Variants in BICDL2 observed in about 807,000 individuals in gnomAD.
The protein encoded by BICDL2 is BICD family-like cargo adapter 2.
Under a neutral mutation model 56.6 loss-of-function variants are expected in BICDL2, and 62 were observed. The observed-to-expected ratio is 1.10, with a 90% CI of 0.89 to 1.35. The LOEUF is 1.35. Ranked by LOEUF, BICDL2 falls within the 40% of genes most tolerant of loss-of-function variation. The probability of loss-of-function intolerance (pLI) is 0.00; values close to 1 mark genes in which losing one functional copy is unlikely to be tolerated. For synonymous variants in BICDL2, 358 were observed against 319.8 expected (o/e 1.12, Z -1.27); for missense variants, 808 against 684.5 (o/e 1.18, Z -2.01).
In BICDL2 at chr16:3,028,834, T is replaced by G; in HGVS notation, c.1108-4A>C. The G allele has an allele frequency of 6.5e-7, 1 of 1,544,772 alleles. No homozygotes were observed. On this transcript the variant is annotated splice_polypyrimidine_tract_variant and splice_region_variant and intron_variant, in intron 7 of 9. Coordinates refer to ENST00000572449, the MANE Select transcript of BICDL2 (RefSeq NM_001369667.1). ...GCTCTGCCTGCTGCAGCGAGATCTG[T>G]GAGCAGAGGAGGGGGGCCGTGCGGC...
chr16:3,029,846 C>G (rs1442560386), intron 5 of BICDL2, 107 bp from the exon 6 acceptor site: 1 of 975,584 alleles, frequency 1.0e-6, no homozygotes, highest in Non-Finnish European at 1.4e-6. Context: ...CCCCGCACCC[C>G]AGCGGCCCAG....
Position 3,029,544 on chromosome 16 carries a change from C to G in BICDL2, c.957+1G>C, listed in dbSNP as rs993542570. On this transcript the variant is annotated splice_donor_variant, in intron 6 of 9. Transcript: ENST00000572449. LOFTEE classifies it high-confidence loss of function. ...AGGGGGCTGGGGCCCCACGAGCTCA[C>G]CGGGGTGTCTCCGGGTGCGTCGGCG... The G allele has an allele frequency of 1.3e-6, 2 of 1,553,350 alleles. No individual in the cohort carries two copies. The highest frequency in any genetic ancestry group is 8.7e-7 in the Non-Finnish European group (1 of 1,154,570).
At chr16:3,035,145 CT>C in intron 2 of BICDL2, 69 bp downstream of exon 2, 1 of 1,255,628 alleles carries the variant, frequency 8.0e-7, no homozygotes, top group Non-Finnish European at 1.1e-6. Flanking sequence ...ACTCCCTTCC[CT>C]TGTCCTCTCC....
chr16:3,028,740 G>T lies in BICDL2; in HGVS notation c.1198C>A (p.Leu400Met). 6.4e-7 allele frequency: 1 copy of T among 1,565,632 alleles called. No homozygotes were observed. The change falls in exon 8 of 10, where the codon CTG (leucine) becomes ATG (methionine). Residue 400 changes from leucine (L) to methionine (M), a missense_variant. Coordinates refer to ENST00000572449, the MANE Select transcript of BICDL2 (RefSeq NM_001369667.1). ...LRAQEDPGEALHSALSDRDEA... is the reference protein window; with the variant it reads ...LRAQEDPGEAMHSALSDRDEA... ...TCCCGGTCTGAGAGGGCACTGTGCA[G>T]GGCCTCCCCAGGGTCTTCCTGCGCC...
intron 5 of BICDL2, 172 bp from the exon 6 acceptor site, chr16:3,029,911 G>C (rs1955628222): frequency 3.5e-6 from 2 of 578,310 alleles, no homozygotes; most frequent in African/African-American, 4.0e-5. Context: ...TCCCTCAGCG[G>C]ATATATACAG....
Position 3,027,696 on chromosome 16 carries a change from T to A in BICDL2, c.*410A>T. The A allele has an allele frequency of 6.5e-7, 1 of 1,548,378 alleles. No homozygotes were observed. Among genetic ancestry groups the A allele is most frequent in the Non-Finnish European group, 8.7e-7 (1 of 1,154,154 alleles). ...CCCCAGCCAGCTCAGGGTTTTAGAGTGTTTTTCATTTTCTTTTTTTTTTTT... is the reference window on the plus strand; with the variant it reads ...CCCCAGCCAGCTCAGGGTTTTAGAGAGTTTTTCATTTTCTTTTTTTTTTTT... On this transcript the variant is annotated 3_prime_UTR_variant, in exon 10 of 10. Coordinates refer to ENST00000572449, the MANE Select transcript of BICDL2 (RefSeq NM_001369667.1).
chr16:3,028,196 C>G lies in BICDL2; in HGVS notation c.1437G>C (p.Ser479=). ...QKELSASASS[S]TPRRAAPRFS... is the part of the protein sequence containing the mutation. ...AGCGGGGCGCGGCACGGCGCGGGGT[C>G]GACGACGACGCGGAGGCGCTCAGCT... Residue 479 remains serine (S), a synonymous_variant, in exon 10 of 10, where the codon TCG becomes TCC. Transcript: ENST00000572449. 6.8e-7 allele frequency: 1 copy of G among 1,461,708 alleles called. No individual in the cohort carries two copies. The highest frequency in any genetic ancestry group is 8.9e-7 in the Non-Finnish European group (1 of 1,117,594). 90.5% of individuals were successfully genotyped at this position (1,461,708 alleles called of 1,614,324 possible). A position where few individuals can be genotyped will look rare whatever the true frequency, so the allele number is the denominator to read the frequency against.
chr16:3,028,865 G>A, intron 7 of BICDL2, 35 bp from the exon 8 acceptor site: 2 of 1,518,578 alleles, frequency 1.3e-6, no homozygotes, highest in Non-Finnish European at 1.8e-6. Flanking sequence ...GCGGCAGATG[G>A]GCCAATGGGC....
At chr16:3,035,070 A>T in intron 2 of BICDL2, 145 bp downstream of exon 2, 4 of 789,290 alleles carry the variant, frequency 5.1e-6, no homozygotes, top group Non-Finnish European at 7.9e-6. Flanking sequence ...CCCAGCTCTG[A>T]CCTGTTCCAA....
chr16:3,031,134 T>C lies in BICDL2; in HGVS notation c.299A>G (p.Asn100Ser). 2 of 1,535,190 alleles carry C rather than the reference T, an allele frequency of 1.3e-6. No individual in the cohort carries two copies. The highest frequency in any genetic ancestry group is 1.2e-5 in the South Asian group (1 of 83,934). ...TGCCAGGCCTCGCCGGAGCTCATGG[T>C]TCTCCTGCTGGAGCCGCTGTGGGGG... ...LEREERLQQE[N>S]HELRRGLAAR... Residue 100 changes from asparagine (N) to serine (S), a missense_variant, in exon 3 of 10, where the codon AAC becomes AGC. Transcript: ENST00000572449.
At position 3,029,536 on chromosome 16, in the gene BICDL2, C is replaced by A; in HGVS notation, c.957+9G>T. On this transcript the variant is annotated intron_variant, in intron 6 of 9. Coordinates refer to ENST00000572449, the MANE Select transcript of BICDL2 (RefSeq NM_001369667.1). ...CACAGGTAAGGGGGCTGGGGCCCCACGAGCTCACCGGGGTGTCTCCGGGTG... is the reference window on the plus strand; with the variant it reads ...CACAGGTAAGGGGGCTGGGGCCCCAAGAGCTCACCGGGGTGTCTCCGGGTG... 2 of 1,553,604 alleles carry A rather than the reference C, an allele frequency of 1.3e-6. No individual in the cohort carries two copies. The highest frequency in any genetic ancestry group is 8.7e-7 in the Non-Finnish European group (1 of 1,155,342).
At chr16:3,029,793 G>A (rs1439776639) in intron 5 of BICDL2, 54 bp from the exon 6 acceptor site, 16 of 1,405,830 alleles carry the variant, frequency 1.1e-5, no homozygotes, top group African/African-American at 3.1e-5. Flanking sequence ...CGCACGCAAC[G>A]CCGACATCCC....
chr16:3,028,467 C>A lies in BICDL2; in HGVS notation c.1240G>T (p.Ala414Ser). Reference protein sequence around the residue: ...LSDRDEAVNKALELSLQLNRV... With the variant: ...LSDRDEAVNKSLELSLQLNRV... Reference sequence around the variant, plus strand: ...TTGAGCTGCAGGGACAGCTCCAGGGCCCTAGGCGGGCAGGAGCAGAAGACG... The same window carrying A: ...TTGAGCTGCAGGGACAGCTCCAGGGACCTAGGCGGGCAGGAGCAGAAGACG... Residue 414 changes from alanine (A) to serine (S), a missense_variant and splice_region_variant, in exon 9 of 10, where the codon GCC becomes TCC. By Grantham distance (99) the Ala-to-Ser change is moderately conservative. Coordinates refer to ENST00000572449, the MANE Select transcript of BICDL2 (RefSeq NM_001369667.1). 6.4e-7 allele frequency: 1 copy of A among 1,571,808 alleles called. No homozygotes were observed. Among genetic ancestry groups the A allele is most frequent in the Non-Finnish European group, 8.6e-7 (1 of 1,167,746 alleles).
chr16:3,035,706 C>T, intron 1 of BICDL2, 180 bp from the exon 2 acceptor site: 4 of 593,508 alleles, frequency 6.7e-6, no homozygotes, highest in Non-Finnish European at 8.9e-6. Context: ...CTGGGGTAAA[C>T]TGAGGCAGGA....
In BICDL2 at chr16:3,030,497, G is replaced by C; in HGVS notation, c.714C>G (p.His238Gln). 1.9e-6 allele frequency: 3 copies of C among 1,604,234 alleles called. No individual in the cohort carries two copies. The highest frequency in any genetic ancestry group is 2.5e-6 in the Non-Finnish European group (3 of 1,179,462). The change falls in exon 5 of 10, where the codon CAC becomes CAG. Residue 238 changes from histidine (H) to glutamine (Q), a missense_variant. Coordinates refer to ENST00000572449, the MANE Select transcript of BICDL2 (RefSeq NM_001369667.1). Reference protein sequence around the residue: ...EKGEGRLQTTHEELLLLRRER... With the variant: ...EKGEGRLQTTQEELLLLRRER... ...CCCGCCTCAGCAGCAGCAACTCCTC[G>C]TGGGTGGTCTGCAGTCTGCCCTCAC...
In BICDL2 at chr16:3,028,474, C is replaced by T. The variant is rs775138858; in HGVS notation, c.1239-6G>A. ...GCAGGGACAGCTCCAGGGCCCTAGG[C>T]GGGCAGGAGCAGAAGACGCGTTTGA... On this transcript the variant is annotated splice_polypyrimidine_tract_variant and splice_region_variant and intron_variant, in intron 8 of 9. Transcript: ENST00000572449. The T allele has an allele frequency of 2.5e-6, 4 of 1,571,012 alleles. No homozygotes were observed. The highest frequency in any genetic ancestry group is 2.6e-6 in the Non-Finnish European group (3 of 1,167,356).
At chr16:3,029,884 G>T in intron 5 of BICDL2, 145 bp from the exon 6 acceptor site, 1 of 667,352 alleles carries the variant, frequency 1.5e-6, no homozygotes, top group South Asian at 2.0e-5. Flanking sequence ...ATCGCTGGGC[G>T]CCTTGGGCCG....
intron 2 of BICDL2, chr16:3,031,494 C>G (rs1431560632): frequency 2.0e-6 from 1 of 504,946 alleles, no homozygotes; most frequent in African/African-American, 1.9e-5. Context: ...AGCCCCGGCC[C>G]ATGGCAGCAC....
In BICDL2 at chr16:3,029,505, C is replaced by T. The variant is rs747289191; in HGVS notation, c.957+40G>A. ...GGAAAGGCGGAGCCTGCAACCCTCTCGATGGCACAGGTAAGGGGGCTGGGG... is the reference window on the plus strand; with the variant it reads ...GGAAAGGCGGAGCCTGCAACCCTCTTGATGGCACAGGTAAGGGGGCTGGGG... On this transcript the variant is annotated intron_variant, in intron 6 of 9. Coordinates refer to ENST00000572449, the MANE Select transcript of BICDL2 (RefSeq NM_001369667.1). The T allele has an allele frequency of 9.6e-6, 15 of 1,567,354 alleles. No individual in the cohort carries two copies. In the South Asian group the frequency reaches 1.3e-4, roughly 13 times the overall value.
Sources: gnomAD v4.1 joint callset for allele counts on GRCh38, gnomAD v4.1.1 for gene constraint, MANE v1.5 for transcripts, NCBI Gene and HGNC (gene_info 2026-07-23, HGNC 2026-07-21) for gene names.